The following FCER1G variants were observed in gnomAD, a reference collection of about 807,000 sequenced individuals.
FCER1G encodes high affinity immunoglobulin epsilon receptor subunit gamma.
FCER1G carries 7 observed loss-of-function variants against 17.3 expected under a neutral mutation model. The observed-to-expected ratio is 0.40, with a 90% CI of 0.23 to 0.76. The LOEUF is 0.76. FCER1G is among the 30% of genes least tolerant of loss of function. The pLI is 0.35. For missense variants in FCER1G, 87 were observed against 97.7 expected, an observed-to-expected ratio of 0.89 and a Z score of 0.46; for synonymous variants, 35 against 38.7, an observed-to-expected ratio of 0.90 and a Z score of 0.35.
chr1:161,218,766 G>C lies in FCER1G; in HGVS notation c.198+43G>C, dbSNP rs776667723. The C allele has an allele frequency of 5.0e-6, 8 of 1,612,148 alleles. No individual in the cohort carries two copies. In the South Asian group the frequency reaches 8.8e-5, roughly 18 times the overall value. On this transcript the variant is annotated intron_variant, in intron 4 of 4. Transcript: ENST00000289902. ...CCCCACCCAGGAAGTCAGCAGAAGA[G>C]GGTGGGATTTTGAGCGATCTTTGGA...
chr1:161,217,936 C>G (rs376542345), intron 1 of FCER1G, 50 bp from the exon 2 acceptor site: 181 of 1,264,426 alleles, frequency 1.4e-4, no homozygotes, highest in Non-Finnish European at 2.0e-4. Context: ...CTCTGAGTAC[C>G]AGATCCTCCC....
At chr1:161,217,338 G>C (rs1289217973) in intron 1 of FCER1G, among the ~76,000 whole-genome samples, 1 of 149,446 alleles carries the variant, frequency 6.7e-6, no homozygotes, top group African/African-American at 2.5e-5. Context: ...CCCCAGCCTT[G>C]TGTTCAGGGC....
intron 3 of FCER1G, 49 bp from the exon 4 acceptor site, chr1:161,218,654 C>T (rs1453148003): frequency 8.7e-6 from 14 of 1,609,980 alleles, no homozygotes; most frequent in Non-Finnish European, 1.2e-5. Flanking sequence ...GCTGAGGGGC[C>T]CTGGAGAAAG....
intron 1 of FCER1G, among the ~76,000 whole-genome samples, chr1:161,215,603 T>C (rs1666018670): frequency 6.6e-6 from 1 of 152,120 alleles, no homozygotes; most frequent in Non-Finnish European, 1.5e-5. Flanking sequence ...ATTATTATTA[T>C]TATTTTGGAG....
chr1:161,216,707 T>C (rs1347853397), intron 1 of FCER1G, among the ~76,000 whole-genome samples: 2 of 152,152 alleles, frequency 1.3e-5, no homozygotes, highest in East Asian at 3.8e-4. Flanking sequence ...CACTCCTCGT[T>C]CACTCTGTGT....
chr1:161,218,954 G>C lies in FCER1G; in HGVS notation c.*11G>C. On this transcript the variant is annotated 3_prime_UTR_variant, in exon 5 of 5. Transcript: ENST00000289902. Reference sequence around the variant, plus strand: ...AAACCACCACAGTAGCTTTAGAATAGATGCGGTCATATTCTTCTTTGGCTT... The same window carrying C: ...AAACCACCACAGTAGCTTTAGAATACATGCGGTCATATTCTTCTTTGGCTT... 6.2e-7 allele frequency: 1 copy of C among 1,604,452 alleles called. No homozygotes were observed. Among genetic ancestry groups the C allele is most frequent in the African/African-American group, 1.3e-5 (1 of 74,790 alleles).
At chr1:161,217,411 A>G (rs1410689514) in intron 1 of FCER1G, among the ~76,000 whole-genome samples, 2 of 123,054 alleles carry the variant, frequency 1.6e-5, no homozygotes, top group East Asian at 2.4e-4. Flanking sequence ...TTTTTTTTAC[A>G]TATTTAAGTG....
chr1:161,216,366 A>G (rs1163794514), intron 1 of FCER1G, among the ~76,000 whole-genome samples: 1 of 141,638 alleles, frequency 7.1e-6, no homozygotes, highest in African/African-American at 2.8e-5. Flanking sequence ...CTATATACAC[A>G]CACACACACA....
rs1571628958 is a variant in FCER1G, at chr1:161,215,712, G to A, written c.49+342G>A. ...GGTTCAAGCGATTCTCCTGCCTCAG[G>A]CTCCCGAGTAGCTGGGACTACAGGT... is the stretch of plus-strand genomic sequence containing the variant. On this transcript the variant is annotated intron_variant, in intron 1 of 4. Coordinates refer to ENST00000289902, the MANE Select transcript of FCER1G (RefSeq NM_004106.2). 2.0e-5 allele frequency among the ~76,000 whole-genome samples: 3 copies of A among 151,844 alleles called. No homozygotes were observed. The East Asian group carries it at 5.8e-4, about 29-fold the overall frequency.
At chr1:161,216,637 A>G in intron 1 of FCER1G, among the ~76,000 whole-genome samples, 1 of 152,168 alleles carries the variant, frequency 6.6e-6, no homozygotes, top group East Asian at 1.9e-4. Flanking sequence ...GCTGAGAAAT[A>G]GAGGCAGAAA....
chr1:161,217,385 CTT>C lies in FCER1G; in HGVS notation c.50-579_50-578del, dbSNP rs748410818. 3.0e-3 allele frequency among the ~76,000 whole-genome samples: 367 copies of C among 121,362 alleles called. 3 individuals are homozygous for C. The highest frequency in any genetic ancestry group is 0.019 in the South Asian group (68 of 3,602). The allele number at this position is 121,362 out of a possible 152,430, so 79.6% of individuals were successfully genotyped here. ...GTAAGGTCTGGGAAAAACAGACACA[CTT>C]TTTTTTTTTTTTTTTTTTTTTACAT... On this transcript the variant is annotated intron_variant, in intron 1 of 4. Transcript: ENST00000289902.
intron 1 of FCER1G, among the ~76,000 whole-genome samples, chr1:161,217,103 T>A (rs1025348807): frequency 5.3e-5 from 8 of 152,186 alleles, no homozygotes; most frequent in Non-Finnish European, 1.0e-4. Flanking sequence ...ATATCGTGTG[T>A]GTGAAAGAGT....
rs1666109338 is a variant in FCER1G, at chr1:161,219,024, G to A, written c.*81G>A. The stretch of plus-strand genomic sequence containing the variant: ...TGGTTGGCATCACATATGCCTGCAT[G>A]CCATTAACACCAGCTGGCCCTACCC... On this transcript the variant is annotated 3_prime_UTR_variant, in exon 5 of 5. Transcript: ENST00000289902. The A allele has an allele frequency of 9.6e-7, 1 of 1,044,302 alleles. No homozygotes were observed. Among genetic ancestry groups the A allele is most frequent in the South Asian group, 1.3e-5 (1 of 78,424 alleles). 64.7% of individuals were successfully genotyped at this position (1,044,302 alleles called of 1,614,324 possible).
chr1:161,216,049 G>C (rs2102063397), intron 1 of FCER1G, among the ~76,000 whole-genome samples: 1 of 152,258 alleles, frequency 6.6e-6, no homozygotes, highest in Non-Finnish European at 1.5e-5. Context: ...CAGGGGAAGG[G>C]TCTGGTTGTA....
At chr1:161,216,969 C>A (rs185373389) in intron 1 of FCER1G, among the ~76,000 whole-genome samples, 1 of 152,308 alleles carries the variant, frequency 6.6e-6, no homozygotes, top group African/African-American at 2.4e-5. Flanking sequence ...CATTTGAGTT[C>A]CAGCTCTGTC....
At chr1:161,216,423 TATATAGAGAG>T (rs1666054857) in intron 1 of FCER1G, among the ~76,000 whole-genome samples, 1 of 142,192 alleles carries the variant, frequency 7.0e-6, no homozygotes, top group Admixed American at 7.1e-5. Flanking sequence ...TATATATATA[TATATAGAGAG>T]AGAGAGAGAG....
At chr1:161,216,434 A>T (rs1183694043) in intron 1 of FCER1G, among the ~76,000 whole-genome samples, 4 of 151,374 alleles carry the variant, frequency 2.6e-5, no homozygotes, top group Non-Finnish European at 5.9e-5. Context: ...ATATAGAGAG[A>T]GAGAGAGAGA....
chr1:161,215,467 T>A (rs1404545020), intron 1 of FCER1G, 97 bp downstream of exon 1: 1 of 1,093,664 alleles, frequency 9.1e-7, no homozygotes, highest in African/African-American at 1.5e-5. Flanking sequence ...GAAGGAAGGC[T>A]GACAGTGGGT....
At chr1:161,216,360 A>C (rs1475489091) in intron 1 of FCER1G, among the ~76,000 whole-genome samples, 1 of 146,542 alleles carries the variant, frequency 6.8e-6, no homozygotes, top group Non-Finnish European at 1.5e-5. Context: ...ATCTATCTAT[A>C]TACACACACA....
Sources: gnomAD v4.1 joint callset for allele counts (sites outside exome capture counted in the v4.1 genomes callset) on GRCh38, gnomAD v4.1.1 for gene constraint, MANE v1.5 for transcripts, NCBI Gene and HGNC (gene_info 2026-07-23, HGNC 2026-07-21) for gene names.